The following ESCO2 variants were observed in gnomAD, a reference collection of about 807,000 sequenced individuals.
ESCO2 encodes establishment of sister chromatid cohesion N-acetyltransferase 2, also known as N-acetyltransferase ESCO2.
A neutral mutation model predicts 61.7 loss-of-function variants in ESCO2; 51 were observed. That is an observed-to-expected ratio of 0.83 (90% confidence interval 0.66 to 1.04). The LOEUF (loss-of-function observed/expected upper bound fraction) is 1.04. Among genes scored for constraint, ESCO2 ranks in the 50% least tolerant of loss-of-function variants. The pLI is 0.00. For missense variants in ESCO2, 692 were observed against 686.2 expected (o/e 1.01, Z -0.09); for synonymous variants, 230 against 238.2 (o/e 0.97, Z 0.32).
At chr8:27,796,253 G>A (rs1239220572) in intron 9 of ESCO2, among the ~76,000 whole-genome samples, 2 of 151,936 alleles carry the variant, frequency 1.3e-5, no homozygotes, top group African/African-American at 4.8e-5. Flanking sequence ...ACGATCCTTT[G>A]TACTTCTGTG....
upstream of ESCO2, among the ~76,000 whole-genome samples, chr8:27,774,218 C>T (rs1351220916): frequency 6.6e-6 from 1 of 151,976 alleles, no homozygotes; most frequent in Non-Finnish European, 1.5e-5. Flanking sequence ...TGCTCTGTCG[C>T]CAGGCTGGAG....
chr8:27,790,099 C>A (rs377287047), intron 7 of ESCO2, among the ~76,000 whole-genome samples: 1 of 152,186 alleles, frequency 6.6e-6, no homozygotes, highest in South Asian at 2.1e-4. Context: ...GCTGACAGAT[C>A]TCTTCATATT....
chr8:27,818,271 T>C, the ESCO2 span, among the ~76,000 whole-genome samples: 2 of 152,262 alleles, frequency 1.3e-5, no homozygotes, highest in East Asian at 1.9e-4. Flanking sequence ...TTCTACTTAG[T>C]GTATGAGAGG....
chr8:27,795,904 C>G (rs1035774016), intron 9 of ESCO2, among the ~76,000 whole-genome samples: 1 of 152,088 alleles, frequency 6.6e-6, no homozygotes, highest in Admixed American at 6.5e-5. Context: ...GGGATATTGG[C>G]TGGTAACTTC....
chr8:27,808,182 T>C, downstream of ESCO2: 1 of 1,162,816 alleles, frequency 8.6e-7, no homozygotes, highest in Non-Finnish European at 1.1e-6. Flanking sequence ...TAATTTTTAT[T>C]CTAATCAACA....
At chr8:27,813,649 A>G (rs376315872), downstream of ESCO2, among the ~76,000 whole-genome samples, 8 of 152,066 alleles carry the variant, frequency 5.3e-5, no homozygotes, top group African/African-American at 1.9e-4. Flanking sequence ...GAGAATACTC[A>G]AGATCTACTC....
At chr8:27,813,122 G>A (rs1005038169), downstream of ESCO2, among the ~76,000 whole-genome samples, 44 of 152,184 alleles carry the variant, frequency 2.9e-4, no homozygotes, top group Non-Finnish European at 5.6e-4. Flanking sequence ...TATACACCAT[G>A]GAATACTATG....
At chr8:27,773,535 ATTC>A (rs1430182274), upstream of ESCO2, 2 of 102,708 alleles carry the variant, frequency 1.9e-5, no homozygotes, top group East Asian at 1.2e-3. Context: ...CAAACTCTAC[ATTC>A]TTTTTTTTTT....
At chr8:27,810,686 T>C (rs958904743), downstream of ESCO2, among the ~76,000 whole-genome samples, 3 of 152,176 alleles carry the variant, frequency 2.0e-5, no homozygotes, top group Non-Finnish European at 4.4e-5. Context: ...CTTGGATTTA[T>C]AGGTTATCGA....
intron 7 of ESCO2, among the ~76,000 whole-genome samples, chr8:27,791,314 C>T (rs755927910): frequency 6.6e-6 from 1 of 151,730 alleles, no homozygotes; most frequent in Non-Finnish European, 1.5e-5. Context: ...GTCAGTTATA[C>T]CAGATTTTTT....
rs1805115349 is a variant in ESCO2, at chr8:27,789,074, CT to C, written c.1263+100del. On this transcript the variant is annotated intron_variant, in intron 7 of 10. Transcript: ENST00000305188. ...TCTACCACCCAGCCGGAAAAGTTAACTTTTAATGATGATGTTTCAAGCTTAC... is the reference window on the plus strand; with the variant it reads ...TCTACCACCCAGCCGGAAAAGTTAACTTTAATGATGATGTTTCAAGCTTAC... 1.8e-5 allele frequency: 27 copies of C among 1,474,472 alleles called. No homozygotes were observed. The South Asian group carries it at 3.2e-4, about 17-fold the overall frequency. The allele number at this position is 1,474,472 out of a possible 1,614,324, so 91.3% of individuals were successfully genotyped here.
chr8:27,777,323 T>G (rs574164195), intron 3 of ESCO2, 154 bp downstream of exon 3: 3 of 708,916 alleles, frequency 4.2e-6, no homozygotes, highest in Non-Finnish European at 6.5e-6. Context: ...TTATTTATTT[T>G]AAGACAGGGT....
chr8:27,785,488 G>T (rs576178651), intron 5 of ESCO2, among the ~76,000 whole-genome samples: 8 of 152,224 alleles, frequency 5.3e-5, no homozygotes, highest in Admixed American at 2.0e-4. Flanking sequence ...GATCACCTGA[G>T]GTCTGGAGTT....
At position 27,776,980 on chromosome 8, in the gene ESCO2, G is replaced by A; in HGVS notation, c.672G>A (p.Leu224=). The change falls in exon 3 of 11, where the codon CTG becomes CTA. Residue 224 remains leucine, a synonymous_variant. Transcript: ENST00000305188. ...AATCTTCTCTTAGAAAATCGTCCCTGGAAAATGAGCCGTCACTGGGACGCA... is the reference window on the plus strand; with the variant it reads ...AATCTTCTCTTAGAAAATCGTCCCTAGAAAATGAGCCGTCACTGGGACGCA... ...RKKSSLRKSS[L]ENEPSLGRTQ... is the part of the protein sequence containing the mutation. 6.2e-7 allele frequency: 1 copy of A among 1,613,150 alleles called. No individual in the cohort carries two copies. The highest frequency in any genetic ancestry group is 8.5e-7 in the Non-Finnish European group (1 of 1,179,750).
downstream of ESCO2, among the ~76,000 whole-genome samples, chr8:27,811,660 A>C (rs1020773003): frequency 6.6e-5 from 10 of 152,224 alleles, no homozygotes; most frequent in African/African-American, 2.4e-4. Flanking sequence ...AACTTGAGTC[A>C]ACTTGTCAAT....
In ESCO2 at chr8:27,799,694, A is replaced by G; in HGVS notation, c.1651A>G (p.Arg551Gly). Residue 551 changes from arginine to glycine, a missense_variant, in exon 10 of 11, where the codon AGA (arginine) becomes GGA (glycine). Physicochemically the swap from Arg to Gly is moderately radical, Grantham distance 125. Coordinates refer to ENST00000305188, the MANE Select transcript of ESCO2 (RefSeq NM_001017420.3). Reference protein sequence around the residue: ...FRLKRRKRIARRLVDTLRNCF... With the variant: ...FRLKRRKRIAGRLVDTLRNCF... Reference sequence around the variant, plus strand: ...ACTGAAGAGAAGAAAGCGCATTGCAAGACGACTGGTTGATACCCTCAGGTA... The same window carrying G: ...ACTGAAGAGAAGAAAGCGCATTGCAGGACGACTGGTTGATACCCTCAGGTA... 5 of 1,614,076 alleles carry G rather than the reference A, an allele frequency of 3.1e-6. No individual in the cohort carries two copies. The highest frequency in any genetic ancestry group is 4.2e-6 in the Non-Finnish European group (5 of 1,180,028).
At chr8:27,810,641 T>G, downstream of ESCO2, 1 of 611,302 alleles carries the variant, frequency 1.6e-6, no homozygotes, top group Non-Finnish European at 2.9e-6. Flanking sequence ...GGAAATGTCT[T>G]CAATTGTCCT....
At chr8:27,799,851 G>A (rs1050277396) in intron 10 of ESCO2, 135 bp downstream of exon 10, 3 of 1,071,006 alleles carry the variant, frequency 2.8e-6, no homozygotes, top group East Asian at 5.1e-5. Flanking sequence ...GCTAAGGAAG[G>A]TATTGGTACT....
At chr8:27,802,628 AAAATATATATATATATATATATATATAT>A (rs1260016799) in intron 10 of ESCO2, among the ~76,000 whole-genome samples, 67 of 60,320 alleles carry the variant, frequency 1.1e-3, no homozygotes, top group Non-Finnish European at 1.5e-3. Flanking sequence ...AAAAAAAAAA[AAAATATATATATATATATATATATATAT>A]TATATATATA....
Sources: gnomAD v4.1 joint callset for allele counts (sites outside exome capture counted in the v4.1 genomes callset) on GRCh38, gnomAD v4.1.1 for gene constraint, MANE v1.5 for transcripts, NCBI Gene and HGNC (gene_info 2026-07-23, HGNC 2026-07-21) for gene names.